MEPE: variants seen among roughly 807,000 people sequenced by gnomAD.
The protein encoded by MEPE is matrix extracellular phosphoglycoprotein, also known as matrix, extracellular phosphoglycoprotein with ASARM motif (bone).
MEPE carries 7 observed loss-of-function variants against 7.3 expected under a neutral mutation model. The observed-to-expected ratio is 0.95, with a 90% CI of 0.54 to 1.79. The LOEUF is 1.79. Among genes scored for constraint, MEPE ranks in the 40% most tolerant of loss-of-function variants. The pLI, the probability that MEPE is intolerant of heterozygous loss-of-function variation, is 0.00. For missense variants in MEPE, 623 were observed against 628.2 expected (o/e 0.99, Z 0.09); for synonymous variants, 214 against 213.1 (o/e 1.00, Z -0.04).
intron 2 of MEPE, among the ~76,000 whole-genome samples, chr4:87,838,028 C>G (rs1722865489): frequency 1.3e-5 from 2 of 152,166 alleles, no homozygotes; most frequent in African/African-American, 4.8e-5. Flanking sequence ...CAGAATTTAT[C>G]CTAATCTGCT....
rs759630246 is a variant in MEPE, at chr4:87,845,441, G to A, written c.573G>A (p.Ser191=). Residue 191 remains serine, a synonymous_variant, in exon 4 of 4, where the codon TCG becomes TCA. Coordinates refer to ENST00000361056, the MANE Select transcript of MEPE (RefSeq NM_020203.6). ...PASMNYAKAH[S]KDKKKPQRDS... The stretch of plus-strand genomic sequence containing the variant: ...GTATGAATTATGCTAAAGCACACTC[G>A]AAGGATAAAAAGAAGCCTCAAAGAG... 1.2e-5 allele frequency: 19 copies of A among 1,613,744 alleles called. No homozygotes were observed. The highest frequency in any genetic ancestry group is 6.7e-5 in the East Asian group (3 of 44,890).
intron 3 of MEPE, among the ~76,000 whole-genome samples, chr4:87,844,722 C>T (rs1723144297): frequency 6.6e-6 from 1 of 152,244 alleles, no homozygotes; most frequent in African/African-American, 2.4e-5. Flanking sequence ...GAATATGCCG[C>T]TTATTCTTAA....
intron 2 of MEPE, among the ~76,000 whole-genome samples, chr4:87,837,974 C>T (rs569610248): frequency 5.9e-5 from 9 of 152,240 alleles, no homozygotes; most frequent in Non-Finnish European, 1.3e-4. Flanking sequence ...CCTCACCCTA[C>T]GCTACCCTCA....
In MEPE at chr4:87,845,691, G is replaced by A; in HGVS notation, c.823G>A (p.Asp275Asn). The change falls in exon 4 of 4, where the codon GAC (aspartate) becomes AAC (asparagine). Residue 275 changes from aspartate to asparagine, a missense_variant. Transcript: ENST00000361056. ...TGGTAAAGGAGAAGCTACTGGTCCTGACCTAGAAGGCAAAGATATTCAAAC... is the reference window on the plus strand; with the variant it reads ...TGGTAAAGGAGAAGCTACTGGTCCTAACCTAGAAGGCAAAGATATTCAAAC... ...IPGKGEATGP[D>N]LEGKDIQTGF... 1.2e-6 allele frequency: 2 copies of A among 1,613,788 alleles called. No homozygotes were observed. The highest frequency in any genetic ancestry group is 1.7e-5 in the Admixed American group (1 of 59,968).
At chr4:87,822,875 G>A (rs1209670290) in intron 1 of MEPE, among the ~76,000 whole-genome samples, 1 of 152,154 alleles carries the variant, frequency 6.6e-6, no homozygotes, top group Non-Finnish European at 1.5e-5. Flanking sequence ...TCCTGCTGCA[G>A]GAGGAATTGC....
At chr4:87,840,154 C>T (rs1239576131) in intron 3 of MEPE, 1 of 1,365,094 alleles carries the variant, frequency 7.3e-7, no homozygotes, top group African/African-American at 1.5e-5. Flanking sequence ...TGGTGGGGAT[C>T]TCAGCAGGGG....
intron 3 of MEPE, among the ~76,000 whole-genome samples, chr4:87,839,222 A>G (rs777957050): frequency 1.6e-4 from 25 of 152,130 alleles, no homozygotes; most frequent in Non-Finnish European, 3.4e-4. Flanking sequence ...AGAACTAACA[A>G]TCTTCTGTAC....
In MEPE at chr4:87,838,407, C is replaced by T. The variant is rs540730801; in HGVS notation, c.55-225C>T. 1.5e-4 allele frequency among the ~76,000 whole-genome samples: 23 copies of T among 152,238 alleles called. No homozygotes were observed. In the East Asian group the frequency reaches 1.5e-3, roughly 10 times the overall value. Reference sequence around the variant, plus strand: ...CTTGAATCCAGTTCTGTAGTGGAGACGGCACTGTCTCCCTCTGGGGGCAGA... The same window carrying T: ...CTTGAATCCAGTTCTGTAGTGGAGATGGCACTGTCTCCCTCTGGGGGCAGA... On this transcript the variant is annotated intron_variant, in intron 2 of 3. Transcript: ENST00000361056.
At chr4:87,830,401 A>T (rs986262494), upstream of MEPE, among the ~76,000 whole-genome samples, 1 of 152,204 alleles carries the variant, frequency 6.6e-6, no homozygotes, top group African/African-American at 2.4e-5. Context: ...TGCAGCTATA[A>T]AAATGAAAGA....
rs761883793 is a variant in MEPE at position 87,846,274 on chromosome 4, A to T, written c.1406A>T (p.Tyr469Phe). The change falls in exon 4 of 4, where the codon TAT (tyrosine) becomes TTT (phenylalanine). Residue 469 changes from tyrosine to phenylalanine, a missense_variant. By Grantham distance (22) the Tyr-to-Phe change is conservative. Transcript: ENST00000361056. ...AATATAATAACACATGGCAGAAAAT[A>T]TCATTATGTACCCCACAGACAAAAT... is the stretch of plus-strand genomic sequence containing the variant. ...HENIITHGRK[Y>F]HYVPHRQNNS... 1 of 1,614,086 alleles carries T rather than the reference A, an allele frequency of 6.2e-7. No individual in the cohort carries two copies. The highest frequency in any genetic ancestry group is 1.7e-5 in the Admixed American group (1 of 60,016).
chr4:87,827,760 CA>C (rs1194254079), intron 1 of MEPE, among the ~76,000 whole-genome samples: 1 of 152,092 alleles, frequency 6.6e-6, no homozygotes, highest in African/African-American at 2.4e-5. Context: ...ATTATATTGA[CA>C]TGTCTTCTCT....
At chr4:87,842,466 TA>T (rs1418351760) in intron 3 of MEPE, among the ~76,000 whole-genome samples, 1 of 152,098 alleles carries the variant, frequency 6.6e-6, no homozygotes, top group Non-Finnish European at 1.5e-5. Flanking sequence ...GTTGTATTAG[TA>T]AAAATAGGGC....
intron 1 of MEPE, among the ~76,000 whole-genome samples, chr4:87,825,333 A>G (rs1722435117): frequency 6.6e-6 from 1 of 152,196 alleles, no homozygotes; most frequent in Admixed American, 6.5e-5. Context: ...GCTACATAAA[A>G]TGGGCCATGA....
At position 87,846,351 on chromosome 4, in the gene MEPE, C is replaced by A. The variant is rs367970153; in HGVS notation, c.1483C>A (p.Gln495Lys). Residue 495 changes from glutamine to lysine, a missense_variant, in exon 4 of 4, where the codon CAA (glutamine) becomes AAA (lysine). Coordinates refer to ENST00000361056, the MANE Select transcript of MEPE (RefSeq NM_020203.6). Reference protein sequence around the residue: ...MPQGKGSWGRQPHSNRRFSSR... With the variant: ...MPQGKGSWGRKPHSNRRFSSR... ...ACAAGGGAAAGGCTCCTGGGGTAGA[C>A]AACCCCATTCCAACAGGAGGTTTAG... is the stretch of plus-strand genomic sequence containing the variant. 15 of 1,613,962 alleles carry A rather than the reference C, an allele frequency of 9.3e-6. No individual in the cohort carries two copies. The Admixed American group carries it at 1.3e-4, about 14-fold the overall frequency.
upstream of MEPE, among the ~76,000 whole-genome samples, chr4:87,831,214 G>A (rs528230755): frequency 8.5e-5 from 13 of 152,190 alleles, no homozygotes; most frequent in Middle Eastern, 3.4e-3. Flanking sequence ...GCAGGCAATC[G>A]CACTGGAAAG....
At chr4:87,839,170 A>G (rs1722913766) in intron 3 of MEPE, among the ~76,000 whole-genome samples, 1 of 152,176 alleles carries the variant, frequency 6.6e-6, no homozygotes, top group African/African-American at 2.4e-5. Flanking sequence ...CATGCCACCA[A>G]ATTGCAGCTT....
In MEPE at chr4:87,845,977, T is replaced by C. The variant is rs746497651; in HGVS notation, c.1109T>C (p.Val370Ala). 18 of 1,613,790 alleles carry C rather than the reference T, an allele frequency of 1.1e-5. No individual in the cohort carries two copies. The African/African-American group carries it at 2.0e-4, about 18-fold the overall frequency. ...AGSQNAHQGK[V>A]EFHYPPAPSK... The stretch of plus-strand genomic sequence containing the variant: ...AGCCAAAATGCTCACCAAGGGAAGG[T>C]TGAGTTTCATTACCCTCCTGCACCC... The change falls in exon 4 of 4, where the codon GTT becomes GCT. Residue 370 changes from valine to alanine, a missense_variant. Physicochemically the swap from Val to Ala is moderately conservative, Grantham distance 64 (BLOSUM62 0). Transcript: ENST00000361056.
chr4:87,838,753 AG>A, intron 3 of MEPE, 68 bp downstream of exon 3: 1 of 1,399,304 alleles, frequency 7.1e-7, no homozygotes, highest in East Asian at 2.3e-5. Context: ...GTAAGAGAAA[AG>A]TGTAACTGTC....
intron 2 of MEPE, among the ~76,000 whole-genome samples, chr4:87,838,284 ACTT>A (rs1296359621): frequency 2.0e-5 from 3 of 152,046 alleles, no homozygotes; most frequent in African/African-American, 7.2e-5. Context: ...GCCAGTGAAA[ACTT>A]CTTTTTCAGT....
Sources: gnomAD v4.1 joint callset for allele counts (sites outside exome capture counted in the v4.1 genomes callset) on GRCh38, gnomAD v4.1.1 for gene constraint, MANE v1.5 for transcripts, NCBI Gene and HGNC (gene_info 2026-07-23, HGNC 2026-07-21) for gene names.